LRRTM4: variants seen among roughly 807,000 people sequenced by gnomAD.
The protein encoded by LRRTM4 is leucine rich repeat transmembrane neuronal 4, also known as leucine-rich repeat transmembrane neuronal protein 4.
A neutral mutation model predicts 47.6 loss-of-function variants in LRRTM4; 25 were observed. That is an observed-to-expected ratio of 0.53 (90% confidence interval 0.38 to 0.73). The LOEUF (loss-of-function observed/expected upper bound fraction) is 0.73, where lower values mean the gene tolerates loss of function less well. Among genes scored for constraint, LRRTM4 ranks in the 30% least tolerant of loss-of-function variants. The pLI is 0.00. For missense variants in LRRTM4, 638 were observed against 713.4 expected, an observed-to-expected ratio of 0.89 and a Z score of 1.20; for synonymous variants, 311 against 269.5, an observed-to-expected ratio of 1.15 and a Z score of -1.51.
intron 3 of LRRTM4, among the ~76,000 whole-genome samples, chr2:77,132,469 C>A (rs1261048159): frequency 1.3e-5 from 2 of 152,092 alleles, no homozygotes; most frequent in African/African-American, 4.8e-5. Flanking sequence ...GTGCAGGTAT[C>A]AAAATTTGTA....
intron 3 of LRRTM4, among the ~76,000 whole-genome samples, chr2:76,994,729 C>A (rs1677138960): frequency 6.6e-6 from 1 of 151,870 alleles, no homozygotes; most frequent in East Asian, 1.9e-4. Flanking sequence ...AGATTTATCT[C>A]ATGATTTTAT....
In LRRTM4 at chr2:77,164,271, C is replaced by G. The variant is rs534785486; in HGVS notation, c.1551+354047G>C. 1.2e-4 allele frequency among the ~76,000 whole-genome samples: 18 copies of G among 152,170 alleles called. No individual in the cohort carries two copies. In the East Asian group the frequency reaches 3.5e-3, roughly 29 times the overall value. ...AACAAGAAGAGCTAACTATCCTAAACAAATATGTACCCAATACAGGAGCAC... is the reference window on the plus strand; with the variant it reads ...AACAAGAAGAGCTAACTATCCTAAAGAAATATGTACCCAATACAGGAGCAC... On this transcript the variant is annotated intron_variant, in intron 3 of 3. Transcript: ENST00000409884.
chr2:76,998,833 T>A (rs573499001), intron 3 of LRRTM4, among the ~76,000 whole-genome samples: 3 of 151,716 alleles, frequency 2.0e-5, no homozygotes, highest in Non-Finnish European at 2.9e-5. Context: ...TCCTGACTTA[T>A]AGCCCCTTTG....
At chr2:77,463,732 G>A (rs529881675) in intron 3 of LRRTM4, among the ~76,000 whole-genome samples, 3 of 152,176 alleles carry the variant, frequency 2.0e-5, no homozygotes, top group East Asian at 1.9e-4. Flanking sequence ...AGTAATGAAA[G>A]TGATGTACAT....
At chr2:76,974,883 A>C (rs900817128) in intron 3 of LRRTM4, among the ~76,000 whole-genome samples, 2 of 151,738 alleles carry the variant, frequency 1.3e-5, no homozygotes, top group African/African-American at 4.8e-5. Context: ...ATAATTATGC[A>C]CAACAGTAAT....
intron 3 of LRRTM4, among the ~76,000 whole-genome samples, chr2:77,259,855 T>C (rs1675870211): frequency 6.6e-6 from 1 of 152,080 alleles, no homozygotes. Context: ...TAACACCTAC[T>C]CGTTTGATGA....
chr2:77,140,852 C>G (rs1456461791), intron 3 of LRRTM4, among the ~76,000 whole-genome samples: 3 of 152,094 alleles, frequency 2.0e-5, no homozygotes, highest in Admixed American at 6.6e-5. Context: ...ATTTATGCAG[C>G]CAACAGACAC....
chr2:76,900,465 T>C (rs887963520), intron 3 of LRRTM4, among the ~76,000 whole-genome samples: 2 of 152,192 alleles, frequency 1.3e-5, no homozygotes, highest in Admixed American at 6.5e-5. Flanking sequence ...TATATATTTA[T>C]GTTTTTATAA....
chr2:77,092,178 ACT>A (rs1343154402), intron 3 of LRRTM4, among the ~76,000 whole-genome samples: 1 of 151,662 alleles, frequency 6.6e-6, no homozygotes, highest in Non-Finnish European at 1.5e-5. Context: ...AGCTGTACTC[ACT>A]CTTTGTTAAG....
At chr2:76,870,409 A>T (rs1464761779) in intron 3 of LRRTM4, among the ~76,000 whole-genome samples, 1 of 152,178 alleles carries the variant, frequency 6.6e-6, no homozygotes, top group Non-Finnish European at 1.5e-5. Context: ...CCAAATGCCA[A>T]TTCCGCCTTG....
intron 3 of LRRTM4, among the ~76,000 whole-genome samples, chr2:77,163,516 C>T (rs947289760): frequency 2.0e-5 from 3 of 151,992 alleles, no homozygotes; most frequent in Non-Finnish European, 4.4e-5. Flanking sequence ...CTCCAAGACA[C>T]GTAATTGTCA....
At chr2:77,306,219 A>AT (rs2104178738) in intron 3 of LRRTM4, among the ~76,000 whole-genome samples, 1 of 152,330 alleles carries the variant, frequency 6.6e-6, no homozygotes, top group South Asian at 2.1e-4. Context: ...TTTTAAAGGA[A>AT]TTTTAATATG....
chr2:76,810,996 T>C (rs1670716054), intron 3 of LRRTM4, among the ~76,000 whole-genome samples: 1 of 152,180 alleles, frequency 6.6e-6, no homozygotes, highest in Non-Finnish European at 1.5e-5. Context: ...CTAGATTCAC[T>C]GAAAACAAAT....
intron 3 of LRRTM4, among the ~76,000 whole-genome samples, chr2:76,945,754 AGTGT>A (rs71376806): frequency 0.013 from 1,931 of 150,334 alleles, 41 homozygotes; most frequent in African/African-American, 0.043. Flanking sequence ...AGTGTGTAGA[AGTGT>A]GTGTGTGTGT....
intron 3 of LRRTM4, among the ~76,000 whole-genome samples, chr2:76,783,481 T>C (rs1321484983): frequency 6.6e-6 from 1 of 152,192 alleles, no homozygotes; most frequent in Non-Finnish European, 1.5e-5. Flanking sequence ...CATGACCATC[T>C]ACCTCCAGAA....
At chr2:77,457,595 CA>C (rs113451237) in intron 3 of LRRTM4, among the ~76,000 whole-genome samples, 8,051 of 149,060 alleles carry the variant, frequency 0.054, 466 homozygotes, top group East Asian at 0.14. Flanking sequence ...CTGCCATTTA[CA>C]AAAAAAAAAT....
At chr2:77,508,456 A>C (rs1343453634) in intron 3 of LRRTM4, among the ~76,000 whole-genome samples, 2 of 152,132 alleles carry the variant, frequency 1.3e-5, no homozygotes, top group Non-Finnish European at 2.9e-5. Context: ...GAATATATAT[A>C]CTCAACCACT....
At chr2:77,017,994 A>G (rs1678129954) in intron 3 of LRRTM4, among the ~76,000 whole-genome samples, 2 of 151,800 alleles carry the variant, frequency 1.3e-5, no homozygotes, top group African/African-American at 4.8e-5. Context: ...TAAATAAGGT[A>G]AATCTAAATT....
At chr2:77,501,776 T>C (rs1431315132) in intron 3 of LRRTM4, among the ~76,000 whole-genome samples, 1 of 151,440 alleles carries the variant, frequency 6.6e-6, no homozygotes, top group African/African-American at 2.4e-5. Flanking sequence ...TATTATAAGT[T>C]AATAAAATTA....
Sources: gnomAD v4.1 joint callset for allele counts (sites outside exome capture counted in the v4.1 genomes callset) on GRCh38, gnomAD v4.1.1 for gene constraint, MANE v1.5 for transcripts, NCBI Gene and HGNC (gene_info 2026-07-23, HGNC 2026-07-21) for gene names.